Variants in NAT16 observed in about 807,000 individuals in gnomAD.
The protein encoded by NAT16 is N-acetyltransferase 16 (putative), also known as probable N-acetyltransferase 16.
NAT16 carries 16 observed loss-of-function variants against 15.9 expected under a neutral mutation model. The ratio of observed to expected loss-of-function variants is 1.01; its 90% CI spans 0.68 to 1.53. NAT16 has a LOEUF of 1.53. Among genes scored for constraint, NAT16 ranks in the 40% most tolerant of loss-of-function variants. The pLI is 0.00. For missense variants in NAT16, 572 were observed against 508.4 expected (o/e 1.13, Z -1.20); for synonymous variants, 260 against 241.9 (o/e 1.07, Z -0.69).
At position 101,173,407 on chromosome 7, in the gene NAT16, G is replaced by A. The variant is rs746230741; in HGVS notation, c.426C>T (p.Phe142=). 1.2e-6 allele frequency: 2 copies of A among 1,613,616 alleles called. No individual in the cohort carries two copies. The highest frequency in any genetic ancestry group is 1.3e-5 in the African/African-American group (1 of 74,932). ...GKGVAGLLQR[F]CSQLVKRQHP... ...GCTGTCTCTTGACCAGCTGCGAGCA[G>A]AAGCGCTGCAGCAGCCCGGCCACGC... The change falls in exon 3 of 4, where the codon TTC becomes TTT. Residue 142 remains phenylalanine (F), a synonymous_variant. Coordinates refer to ENST00000300303, the MANE Select transcript of NAT16 (RefSeq NM_198571.3).
rs774102605 is a variant in NAT16, at chr7:101,174,626, C to G, written c.182G>C (p.Arg61Pro). ...GATGGCCAGCACTTCCTCAAACTCC[C>G]GTTCCGTGGCCACCACGAAGTCCAA... ...EPLDFVVATE[R>P]EFEEVLAISG... Residue 61 changes from arginine (R) to proline (P), a missense_variant, in exon 2 of 4, where the codon CGG (arginine) becomes CCG (proline). By Grantham distance (103) the Arg-to-Pro change is moderately radical (BLOSUM62 -2). Transcript: ENST00000300303. 6 of 1,614,090 alleles carry G rather than the reference C, an allele frequency of 3.7e-6. No homozygotes were observed. The African/African-American group carries it at 4.0e-5, about 11-fold the overall frequency.
chr7:101,176,281 G>T (rs927654505), intron 1 of NAT16, among the ~76,000 whole-genome samples: 2 of 152,276 alleles, frequency 1.3e-5, no homozygotes, highest in African/African-American at 4.8e-5. Flanking sequence ...GATCACCTGA[G>T]GTCAGGAGTT....
Position 101,171,980 on chromosome 7 carries a change from C to A in NAT16, c.*99G>T. ...GGAGGGCAGGAGTCAGAGGGGACTT[C>A]CCAGGAGACGCAGCGTCGGAAATGG... On this transcript the variant is annotated 3_prime_UTR_variant, in exon 4 of 4. Coordinates refer to ENST00000300303, the MANE Select transcript of NAT16 (RefSeq NM_198571.3). The A allele has an allele frequency of 1.2e-6, 1 of 847,002 alleles. No individual in the cohort carries two copies. The highest frequency in any genetic ancestry group is 1.9e-6 in the Non-Finnish European group (1 of 531,888). The allele number at this position is 847,002 out of a possible 1,614,324, so 52.5% of individuals were successfully genotyped here.
Position 101,172,079 on chromosome 7 carries a change from T to TA in NAT16, c.1109_1110insT (p.Ter370CysfsTer63). 7.5e-6 allele frequency: 12 copies of TA among 1,602,140 alleles called. No individual in the cohort carries two copies. In the South Asian group the frequency reaches 1.3e-4, roughly 18 times the overall value. ...CCCCCTCCCCGCCAGAGGAGAGGCC[T>TA]CAGATGTCGGCCTCCAGCAGGTACT... On this transcript the variant is annotated frameshift_variant and stop_lost, in exon 4 of 4. Coordinates refer to ENST00000300303, the MANE Select transcript of NAT16 (RefSeq NM_198571.3). LOFTEE classifies it high-confidence loss of function. This position sits in a 1 kb window ranked among gnomAD's most constrained non-coding sequence, Gnocchi z 4.2.
chr7:101,174,448 C>A (rs780360616), intron 2 of NAT16, 48 bp downstream of exon 2: 4 of 1,531,288 alleles, frequency 2.6e-6, no homozygotes, highest in East Asian at 2.4e-5. Context: ...TCCACGCACC[C>A]GCAGGTGGCT....
In NAT16 at chr7:101,173,529, C is replaced by A. The variant is rs753527100; in HGVS notation, c.313-9G>T. Reference sequence around the variant, plus strand: ...ACCGACTCCAGCGCGATCTGCGGACCGAGGCCGTTAGCGCGGGGCCCTCCC... The same window carrying A: ...ACCGACTCCAGCGCGATCTGCGGACAGAGGCCGTTAGCGCGGGGCCCTCCC... On this transcript the variant is annotated splice_polypyrimidine_tract_variant and intron_variant, in intron 2 of 3. Transcript: ENST00000300303. 1.9e-6 allele frequency: 3 copies of A among 1,573,204 alleles called. No homozygotes were observed. Among genetic ancestry groups the A allele is most frequent in the African/African-American group, 1.4e-5 (1 of 73,840 alleles).
intron 2 of NAT16, 56 bp downstream of exon 2, chr7:101,174,440 C>A: frequency 6.6e-7 from 1 of 1,511,650 alleles, no homozygotes. Flanking sequence ...TCCTAAGATC[C>A]ACGCACCCGC....
intron 3 of NAT16, among the ~76,000 whole-genome samples, chr7:101,173,066 C>T (rs740104): frequency 6.6e-6 from 1 of 152,074 alleles, no homozygotes; most frequent in South Asian, 2.1e-4. Context: ...AGGCAGGGTC[C>T]CCGAAGTTGG....
intron 1 of NAT16, among the ~76,000 whole-genome samples, chr7:101,176,521 A>G (rs892278118): frequency 6.6e-6 from 1 of 151,002 alleles, no homozygotes; most frequent in Non-Finnish European, 1.5e-5. Context: ...AAAAAAAAGA[A>G]GAAGAAAATG....
At chr7:101,174,468 G>A (rs778059615) in intron 2 of NAT16, 28 bp downstream of exon 2, 34 of 1,578,010 alleles carry the variant, frequency 2.2e-5, no homozygotes, top group Non-Finnish European at 2.8e-5. Context: ...TTCACCCCAT[G>A]TCACCTGGGC....
chr7:101,178,200 C>T (rs148848914), intron 1 of NAT16, among the ~76,000 whole-genome samples: 15 of 152,160 alleles, frequency 9.9e-5, no homozygotes, highest in East Asian at 9.7e-4. Context: ...TAGGGGTGGA[C>T]GTGGGGAGTT....
chr7:101,172,384 C>G lies in NAT16; in HGVS notation c.805G>C (p.Asp269His), dbSNP rs1426565693. The change falls in exon 4 of 4, where the codon GAC (aspartate) becomes CAC (histidine). Residue 269 changes from aspartate (D) to histidine (H), a missense_variant. Transcript: ENST00000300303. The surrounding 1 kb of genome is among the most constrained non-coding windows in gnomAD (Gnocchi z 4.2). ...AGCACGCGCGGGCGCGCGCGGCTGT[C>G]CACGCGCCACTCCAGGCCCTTGGCC... ...LAAKGLEWRV[D>H]SRARPRVLTL... 8 of 1,572,554 alleles carry G rather than the reference C, an allele frequency of 5.1e-6. No individual in the cohort carries two copies. Among genetic ancestry groups the G allele is most frequent in the South Asian group, 1.1e-5 (1 of 87,766 alleles).
At chr7:101,174,369 A>C (rs1797415399) in intron 2 of NAT16, 127 bp downstream of exon 2, 2 of 1,306,464 alleles carry the variant, frequency 1.5e-6, no homozygotes, top group Non-Finnish European at 2.0e-6. Context: ...TTTGGTCCCA[A>C]AGCAGGCTCT....
intron 1 of NAT16, among the ~76,000 whole-genome samples, chr7:101,177,886 G>A (rs1039264707): frequency 4.6e-5 from 7 of 152,156 alleles, no homozygotes; most frequent in African/African-American, 7.2e-5. Flanking sequence ...CTTGCACCAC[G>A]CTCTGAGGAC....
chr7:101,175,108 C>A (rs965963634), intron 1 of NAT16, among the ~76,000 whole-genome samples: 4 of 152,048 alleles, frequency 2.6e-5, no homozygotes, highest in African/African-American at 4.8e-5. Flanking sequence ...GTACGTGCCA[C>A]CATGCCTGGC....
rs762206776 is a variant in NAT16 at position 101,172,484 on chromosome 7, G to C, written c.705C>G (p.Asp235Glu). ...GGATGATGGTCCCGCCTGGAAGCAC[G>C]TCGCGCTGCACGGAGGGTGACAGCA... ...RLLLSPSVQR[D>E]VLPGGTIIQD... Residue 235 changes from aspartate (D) to glutamate (E), a missense_variant, in exon 4 of 4, where the codon GAC (aspartate) becomes GAG (glutamate). Transcript: ENST00000300303. The surrounding 1 kb of genome is among the most constrained non-coding windows in gnomAD (Gnocchi z 4.2). 1.0e-5 allele frequency: 16 copies of C among 1,598,562 alleles called. No homozygotes were observed. In the Admixed American group the frequency reaches 2.5e-4, roughly 25 times the overall value.
intron 3 of NAT16, 68 bp downstream of exon 3, chr7:101,173,228 G>GC: frequency 7.4e-7 from 1 of 1,350,606 alleles, no homozygotes; most frequent in South Asian, 1.2e-5. Flanking sequence ...TTCTGCTGGG[G>GC]GTGGGGAGGG....
At position 101,172,637 on chromosome 7, in the gene NAT16, G is replaced by C. The variant is rs1292077896; in HGVS notation, c.552C>G (p.Val184=). 7 of 1,516,746 alleles carry C rather than the reference G, an allele frequency of 4.6e-6. No homozygotes were observed. The East Asian group carries it at 1.6e-4, about 34-fold the overall frequency. The allele number at this position is 1,516,746 out of a possible 1,614,324, so 94.0% of individuals were successfully genotyped here. Residue 184 remains valine, a synonymous_variant, in exon 4 of 4, where the codon GTC becomes GTG. Coordinates refer to ENST00000300303, the MANE Select transcript of NAT16 (RefSeq NM_198571.3). This position sits in a 1 kb window ranked among gnomAD's most constrained non-coding sequence, Gnocchi z 4.2. ...CCAGCAGCGCGGACGCGTTGAATCG[G>C]ACCAAAAGGATGCCCTGCGGGGGGC... ...RLITKQGILL[V]RFNASALLAG...
In NAT16 at chr7:101,174,479, C is replaced by G. The variant is rs1220309253; in HGVS notation, c.312+17G>C. ...TGGCTTCACCCCATGTCACCTGGGC[C>G]GTGCCCCCGGGCTCACCACGCCTCC... is the stretch of plus-strand genomic sequence containing the variant. On this transcript the variant is annotated intron_variant, in intron 2 of 3. Transcript: ENST00000300303. The G allele has an allele frequency of 1.3e-6, 2 of 1,598,802 alleles. No individual in the cohort carries two copies. The highest frequency in any genetic ancestry group is 2.3e-5 in the East Asian group (1 of 44,246).
Sources: allele counts gnomAD v4.1 joint callset (sites outside exome capture counted in the v4.1 genomes callset), GRCh38; gene constraint gnomAD v4.1.1; non-coding constraint Gnocchi (gnomAD v3.1); transcripts MANE v1.5; gene names NCBI Gene and HGNC (gene_info 2026-07-23, HGNC 2026-07-21).